UTRN: variants seen among roughly 807,000 people sequenced by gnomAD.
UTRN encodes utrophin.
In UTRN, 283 loss-of-function variants were observed where a neutral mutation model predicts 463.9. The ratio of observed to expected loss-of-function variants is 0.61; its 90% CI spans 0.55 to 0.67. UTRN has a LOEUF of 0.67. Ranked by LOEUF, UTRN falls within the 30% of genes least tolerant of loss-of-function variation. UTRN has a pLI of 0.00. For missense variants in UTRN, 3,922 were observed against 4,084.3 expected (o/e 0.96, Z 1.08); for synonymous variants, 1,442 against 1,431.5 (o/e 1.01, Z -0.17).
chr6:144,588,684 A>G (rs1458744263), intron 51 of UTRN, among the ~76,000 whole-genome samples: 1 of 152,168 alleles, frequency 6.6e-6, no homozygotes, highest in Non-Finnish European at 1.5e-5. Context: ...TTAAATTTCA[A>G]GTGGAAATTT....
chr6:144,310,109 A>G (rs1230987165), intron 2 of UTRN, among the ~76,000 whole-genome samples: 1 of 152,244 alleles, frequency 6.6e-6, no homozygotes, highest in African/African-American at 2.4e-5. Flanking sequence ...AGGTTGAATC[A>G]CTAGTATCTA....
At chr6:144,351,579 GAA>G (rs1778112113) in intron 2 of UTRN, among the ~76,000 whole-genome samples, 1 of 152,208 alleles carries the variant, frequency 6.6e-6, no homozygotes, top group Admixed American at 6.5e-5. Flanking sequence ...CATTTGTTCA[GAA>G]AGGTTTTCAT....
Position 144,748,524 on chromosome 6 carries a change from A to T in UTRN, c.8208+10A>T. ...CATTGAAAAAATCATGGTCAGCATC[A>T]TTGTCTTTGAAGGATTTTTAAGAAA... On this transcript the variant is annotated intron_variant, in intron 55 of 74. Transcript: ENST00000367545. 6.2e-7 allele frequency: 1 copy of T among 1,606,072 alleles called. No individual in the cohort carries two copies. The highest frequency in any genetic ancestry group is 8.5e-7 in the Non-Finnish European group (1 of 1,177,184).
At chr6:144,594,253 T>C (rs886655491) in intron 51 of UTRN, among the ~76,000 whole-genome samples, 2 of 149,728 alleles carry the variant, frequency 1.3e-5, no homozygotes, top group Non-Finnish European at 3.0e-5. Flanking sequence ...AGCTTTGCTC[T>C]TAAAGTGCTT....
At chr6:144,719,272 C>A (rs1225424237) in intron 53 of UTRN, among the ~76,000 whole-genome samples, 1 of 152,042 alleles carries the variant, frequency 6.6e-6, no homozygotes, top group Non-Finnish European at 1.5e-5. Flanking sequence ...TGAGAAAGAG[C>A]AGAGCTATTG....
chr6:144,428,378 T>C (rs914318585), intron 7 of UTRN, among the ~76,000 whole-genome samples: 3 of 151,848 alleles, frequency 2.0e-5, no homozygotes, highest in Non-Finnish European at 4.4e-5. Context: ...TAGGTTCATT[T>C]TTACCGCATA....
chr6:144,425,475 C>T (rs1307349905), intron 6 of UTRN, among the ~76,000 whole-genome samples: 2 of 152,046 alleles, frequency 1.3e-5, no homozygotes, highest in Admixed American at 6.5e-5. Flanking sequence ...TTTTAGCACC[C>T]GTTCATAATT....
intron 21 of UTRN, 26 bp downstream of exon 21, chr6:144,459,380 C>A (rs762534776): frequency 1.9e-6 from 3 of 1,558,250 alleles, no homozygotes; most frequent in South Asian, 1.2e-5. Context: ...TTAAAATCTC[C>A]TGTCTCAGTT....
intron 57 of UTRN, among the ~76,000 whole-genome samples, chr6:144,756,581 A>G (rs1792014836): frequency 6.6e-6 from 1 of 152,158 alleles, no homozygotes; most frequent in Admixed American, 6.6e-5. Context: ...GACTTCAGCC[A>G]TGGTTATAAA....
chr6:144,675,082 A>G (rs2328595), intron 51 of UTRN, among the ~76,000 whole-genome samples: 89,005 of 152,102 alleles, frequency 0.59, 27,662 homozygotes, highest in East Asian at 0.86. Context: ...CATTTGAATA[A>G]ACTGTTTCAT....
intron 51 of UTRN, among the ~76,000 whole-genome samples, chr6:144,656,249 T>A (rs1360792301): frequency 1.3e-5 from 2 of 152,214 alleles, no homozygotes; most frequent in East Asian, 3.8e-4. Context: ...ATTTATTAAG[T>A]CTCTCTGGTG....
intron 52 of UTRN, among the ~76,000 whole-genome samples, chr6:144,679,686 C>T (rs1205592069): frequency 6.6e-6 from 1 of 152,114 alleles, no homozygotes; most frequent in Non-Finnish European, 1.5e-5. Context: ...TATTTTTATA[C>T]ATAAAGGGGC....
intron 34 of UTRN, among the ~76,000 whole-genome samples, chr6:144,509,166 A>G (rs1018299339): frequency 3.3e-5 from 5 of 152,168 alleles, no homozygotes; most frequent in Non-Finnish European, 5.9e-5. Flanking sequence ...ATTCGGTAAC[A>G]TATATGTCTC....
intron 2 of UTRN, among the ~76,000 whole-genome samples, chr6:144,300,985 CAG>C (rs1805192125): frequency 6.6e-6 from 1 of 151,948 alleles, no homozygotes. Flanking sequence ...AATATTGTCT[CAG>C]GGGTGGGAGG....
At chr6:144,731,548 T>G (rs543031946) in intron 54 of UTRN, among the ~76,000 whole-genome samples, 75 of 152,356 alleles carry the variant, frequency 4.9e-4, no homozygotes, top group African/African-American at 1.8e-3. Context: ...TAACTGGAAC[T>G]GGATCAGACA....
chr6:144,520,593 C>T (rs1475178242), intron 39 of UTRN, among the ~76,000 whole-genome samples: 1 of 152,178 alleles, frequency 6.6e-6, no homozygotes, highest in African/African-American at 2.4e-5. Context: ...GAACTACCCT[C>T]AAATGATGGA....
At chr6:144,385,584 A>G (rs1322379248) in intron 2 of UTRN, among the ~76,000 whole-genome samples, 1 of 152,210 alleles carries the variant, frequency 6.6e-6, no homozygotes, top group East Asian at 1.9e-4. Flanking sequence ...CTGAAGATAT[A>G]ATTAGCAAGT....
At chr6:144,478,735 C>T (rs1262628100) in intron 25 of UTRN, among the ~76,000 whole-genome samples, 2 of 152,190 alleles carry the variant, frequency 1.3e-5, no homozygotes, top group Non-Finnish European at 2.9e-5. Context: ...AGGGTGGCCA[C>T]TACTGTGGCG....
chr6:144,575,914 G>C (rs1417863302), intron 50 of UTRN, among the ~76,000 whole-genome samples: 2 of 152,018 alleles, frequency 1.3e-5, no homozygotes, highest in East Asian at 3.9e-4. Context: ...AGCCTCCATT[G>C]TCCTCCACCA....
Sources: gnomAD v4.1 joint callset for allele counts (sites outside exome capture counted in the v4.1 genomes callset) on GRCh38, gnomAD v4.1.1 for gene constraint, MANE v1.5 for transcripts, NCBI Gene and HGNC (gene_info 2026-07-23, HGNC 2026-07-21) for gene names.